ST7L: variants seen among roughly 807,000 people sequenced by gnomAD.
ST7L encodes suppressor of tumorigenicity 7 protein-like.
Under a neutral mutation model 72.5 loss-of-function variants are expected in ST7L, and 57 were observed. The observed-to-expected ratio is 0.79, with a 90% CI of 0.64 to 0.98. The LOEUF is 0.98. Ranked by LOEUF, ST7L falls within the 50% of genes least tolerant of loss-of-function variation. ST7L has a pLI of 0.00. For missense variants in ST7L, 576 were observed against 672.2 expected (o/e 0.86, Z 1.58); for synonymous variants, 221 against 240.9 (o/e 0.92, Z 0.77).
chr1:112,521,693 C>G (rs1652891788), downstream of ST7L: 1 of 152,178 alleles, frequency 6.6e-6, no homozygotes, highest in Admixed American at 6.5e-5. Flanking sequence ...TTATTGTTCA[C>G]TCCACATTTG....
At chr1:112,619,674 G>A (rs1227078663), upstream of ST7L, 2 of 593,904 alleles carry the variant, frequency 3.4e-6, no homozygotes, top group Non-Finnish European at 6.0e-6. Flanking sequence ...TGGGGCGCGG[G>A]CGCGGGCGCT....
intron 11 of ST7L, among the ~76,000 whole-genome samples, chr1:112,573,895 G>A (rs948003397): frequency 7.2e-6 from 1 of 139,586 alleles, no homozygotes; most frequent in Admixed American, 7.2e-5. Flanking sequence ...CCCTGTCTTC[G>A]TTTTTTCTTT....
intron 1 of ST7L, chr1:112,617,873 G>C: frequency 1.7e-6 from 1 of 592,700 alleles, no homozygotes; most frequent in Non-Finnish European, 2.6e-6. Flanking sequence ...AGAAACCACC[G>C]TTAAGCACTT....
intron 12 of ST7L, among the ~76,000 whole-genome samples, 193 bp downstream of exon 12, chr1:112,555,672 ATTC>A (rs1190044868): frequency 6.6e-6 from 1 of 152,236 alleles, no homozygotes; most frequent in Non-Finnish European, 1.5e-5. Context: ...ACAATTTCTC[ATTC>A]TGCTTTTGTG....
At chr1:112,534,003 G>A (rs12402469) in intron 14 of ST7L, among the ~76,000 whole-genome samples, 33,080 of 152,068 alleles carry the variant, frequency 0.22, 3,803 homozygotes, top group Non-Finnish European at 0.26. Flanking sequence ...TTAAAGCATT[G>A]GAGTTCATCA....
At chr1:112,603,044 G>T (rs1356597003) in intron 3 of ST7L, among the ~76,000 whole-genome samples, 1 of 151,942 alleles carries the variant, frequency 6.6e-6, no homozygotes, top group Non-Finnish European at 1.5e-5. Context: ...AAAATGAACT[G>T]AGTCTGTCAA....
Position 112,593,626 on chromosome 1 carries a change from C to A in ST7L, c.623-2023G>T, listed in dbSNP as rs191461652. ...TTACTGTCAAGTGTAAATTCAAGTT[C>A]AATTTTGCCCTATTTTTCAAACTTC... On this transcript the variant is annotated intron_variant, in intron 5 of 14. Coordinates refer to ENST00000358039, the MANE Select transcript of ST7L (RefSeq NM_017744.5). Among the ~76,000 whole-genome samples, 145 of 152,168 alleles carry A rather than the reference C, an allele frequency of 9.5e-4. 1 individual carries two copies. The highest frequency in any genetic ancestry group is 3.3e-3 in the African/African-American group (139 of 41,508).
chr1:112,569,700 T>G (rs993705436), intron 11 of ST7L, among the ~76,000 whole-genome samples: 3 of 152,240 alleles, frequency 2.0e-5, no homozygotes, highest in Non-Finnish European at 2.9e-5. Flanking sequence ...GGCTTACGCC[T>G]GTAATCCCAT....
chr1:112,535,713 ACTCTGT>A (rs966280717), intron 14 of ST7L, among the ~76,000 whole-genome samples: 9 of 150,126 alleles, frequency 6.0e-5, no homozygotes, highest in Admixed American at 2.0e-4. Context: ...AGAGAGTGAG[ACTCTGT>A]CTCAAAAAAA....
rs965532868 is a variant in ST7L at position 112,578,403 on chromosome 1, T to C, written c.1084A>G (p.Lys362Glu). The stretch of plus-strand genomic sequence containing the variant: ...GCTGTGTAACAGATTGCTGCTGACT[T>C]TGGAAGGCTTATATCTGTAACGATA... ...LAKYDDISLP[K>E]SAAICYTAAL... Residue 362 changes from lysine (K) to glutamate (E), a missense_variant, in exon 10 of 15, where the codon AAG becomes GAG. Physicochemically the swap from Lys to Glu is moderately conservative, Grantham distance 56. This residue lies in a region of ST7L where 511 missense variants were observed against 600.7 expected (regional missense o/e 0.85). Transcript: ENST00000358039. 2 of 1,614,016 alleles carry C rather than the reference T, an allele frequency of 1.2e-6. No homozygotes were observed. Among genetic ancestry groups the C allele is most frequent in the African/African-American group, 1.3e-5 (1 of 74,926 alleles).
rs1183877129 is a variant in ST7L at position 112,570,570 on chromosome 1, T to TATAC, written c.1245+6415_1245+6416insGTAT. ...GTATATATATATATATATATATATATACACACACACATATATTTGAAATGT... is the reference window on the plus strand; with the variant it reads ...GTATATATATATATATATATATATATATACACACACACACATATATTTGAAATGT... On this transcript the variant is annotated intron_variant, in intron 11 of 14. Coordinates refer to ENST00000358039, the MANE Select transcript of ST7L (RefSeq NM_017744.5). 2.9e-3 allele frequency among the ~76,000 whole-genome samples: 417 copies of TATAC among 143,390 alleles called. 1 individual carries two copies. The highest frequency in any genetic ancestry group is 9.8e-3 in the African/African-American group (378 of 38,608). The allele number at this position is 143,390 out of a possible 152,430, so 94.1% of individuals were successfully genotyped here.
intron 2 of ST7L, among the ~76,000 whole-genome samples, chr1:112,611,262 A>G (rs1669027276): frequency 6.6e-6 from 1 of 152,252 alleles, no homozygotes; most frequent in African/African-American, 2.4e-5. Flanking sequence ...AAAAACAGAA[A>G]GAAGCATTTT....
intron 14 of ST7L, among the ~76,000 whole-genome samples, chr1:112,532,170 A>C (rs1654497251): frequency 6.6e-6 from 1 of 152,222 alleles, no homozygotes; most frequent in African/African-American, 2.4e-5. Context: ...ATCAGAGGGC[A>C]AAGTTTCAAC....
At chr1:112,537,313 T>C (rs1489015742) in intron 14 of ST7L, among the ~76,000 whole-genome samples, 3 of 152,134 alleles carry the variant, frequency 2.0e-5, no homozygotes, top group African/African-American at 7.2e-5. Context: ...TTAGAGACTT[T>C]AATATTTAAA....
intron 2 of ST7L, among the ~76,000 whole-genome samples, chr1:112,616,033 G>A (rs1011858609): frequency 6.6e-6 from 1 of 152,046 alleles, no homozygotes; most frequent in Non-Finnish European, 1.5e-5. Context: ...CACCACGTCC[G>A]GCCTGTCTGG....
intron 2 of ST7L, among the ~76,000 whole-genome samples, chr1:112,612,433 C>T (rs1669216558): frequency 6.6e-6 from 1 of 152,030 alleles, no homozygotes; most frequent in African/African-American, 2.4e-5. Flanking sequence ...TTTACTATGA[C>T]CACAAACAGA....
intron 12 of ST7L, among the ~76,000 whole-genome samples, chr1:112,554,126 G>A (rs921144489): frequency 1.3e-5 from 2 of 152,130 alleles, no homozygotes; most frequent in African/African-American, 2.4e-5. Context: ...AACTGAGGCG[G>A]GTTAACCAAT....
chr1:112,577,067 G>A lies in ST7L; in HGVS notation c.1164C>T (p.Ser388=). The change falls in exon 11 of 15, where the codon TCC becomes TCT. Residue 388 remains serine (S), a synonymous_variant. Transcript: ENST00000358039. The part of the protein sequence containing the change: ...VSEKFSPETA[S]RRGLSTAEIN... The stretch of plus-strand genomic sequence containing the variant: ...TTTCTGCTGTGCTTAATCCTCTTCT[G>A]GAGGCTGTTTCTGGAGAGAATCTAC... 1.2e-6 allele frequency: 2 copies of A among 1,600,402 alleles called. No individual in the cohort carries two copies.
At chr1:112,610,782 C>T in intron 3 of ST7L, 59 bp downstream of exon 3, 3 of 1,578,288 alleles carry the variant, frequency 1.9e-6, no homozygotes, top group Non-Finnish European at 2.6e-6. Flanking sequence ...TTTCTATCTC[C>T]CAGAGCCAAA....
Sources: allele counts gnomAD v4.1 joint callset (sites outside exome capture counted in the v4.1 genomes callset), GRCh38; gene constraint gnomAD v4.1.1; regional missense constraint gnomAD v4.1.1; transcripts MANE v1.5; gene names NCBI Gene and HGNC (gene_info 2026-07-23, HGNC 2026-07-21).